The following SULT6B1 variants were observed in gnomAD, a reference collection of about 807,000 sequenced individuals.
The protein encoded by SULT6B1 is sulfotransferase family 6B member 1.
In SULT6B1, 44 loss-of-function variants were observed where a neutral mutation model predicts 37.2. The ratio of observed to expected loss-of-function variants is 1.18; its 90% CI spans 0.93 to 1.52. The LOEUF is 1.52. Among genes scored for constraint, SULT6B1 ranks in the 40% most tolerant of loss-of-function variants. The pLI is 0.00. For synonymous variants in SULT6B1, 140 were observed against 126.0 expected (o/e 1.11, Z -0.74); for missense variants, 450 against 361.0 (o/e 1.25, Z -2.00).
chr2:37,178,323 C>T (rs1676475080), intron 4 of SULT6B1, among the ~76,000 whole-genome samples: 1 of 152,036 alleles, frequency 6.6e-6, no homozygotes, highest in Non-Finnish European at 1.5e-5. Context: ...CTGCAACTTC[C>T]GCCTCCTGTT....
intron 3 of SULT6B1, among the ~76,000 whole-genome samples, chr2:37,181,318 G>C (rs1437250570): frequency 6.6e-6 from 1 of 152,134 alleles, no homozygotes; most frequent in Non-Finnish European, 1.5e-5. Context: ...TTGAATTTGA[G>C]GGCTAATTGG....
Position 37,194,906 on chromosome 2 carries a change from TTCC to T in SULT6B1, c.-22+1607_-22+1609del, listed in dbSNP as rs1558455820. On this transcript the variant is annotated intron_variant, in intron 1 of 7. Transcript: ENST00000407963. ...CTTCCTTCCTTCCTTCTTTCCTTCC[TTCC>T]TTCCTTCCTTCCTTCCTTCCTTCCT... Among the ~76,000 whole-genome samples, 26 of 25,654 alleles carry T rather than the reference TTCC, an allele frequency of 1.0e-3. 2 individuals carry two copies. The highest frequency in any genetic ancestry group is 4.7e-3 in the African/African-American group (26 of 5,494). 16.8% of individuals were successfully genotyped at this position (25,654 alleles called of 152,430 possible).
intron 6 of SULT6B1, among the ~76,000 whole-genome samples, chr2:37,170,618 A>C (rs189910900): frequency 6.6e-6 from 1 of 151,906 alleles, no homozygotes; most frequent in African/African-American, 2.4e-5. Flanking sequence ...AAAATACAAA[A>C]AAATTAGCCA....
rs199584484 is a variant in SULT6B1, at chr2:37,167,915, G to C, written c.*20C>G. 2.0e-6 allele frequency: 3 copies of C among 1,535,318 alleles called. No homozygotes were observed. Among genetic ancestry groups the C allele is most frequent in the South Asian group, 1.3e-5 (1 of 75,798 alleles). On this transcript the variant is annotated 3_prime_UTR_variant, in exon 7 of 7. Transcript: ENST00000535679. The stretch of plus-strand genomic sequence containing the variant: ...TTATTATTAAGGAAAATAAATCTAG[G>C]CCTGCTGAATTGACTGGAATCAACC...
chr2:37,186,748 T>G (rs978935340), intron 2 of SULT6B1, among the ~76,000 whole-genome samples: 2 of 151,846 alleles, frequency 1.3e-5, no homozygotes, highest in Non-Finnish European at 2.9e-5. Flanking sequence ...TAAAAAAAAT[T>G]AACCAGGTGT....
chr2:37,171,578 C>T lies in SULT6B1; in HGVS notation c.637G>A (p.Gly213Arg). 1 of 1,612,644 alleles carries T rather than the reference C, an allele frequency of 6.2e-7. No homozygotes were observed. Among genetic ancestry groups the T allele is most frequent in the Non-Finnish European group, 8.5e-7 (1 of 1,179,596 alleles). Residue 213 changes from glycine (G) to arginine (R), a missense_variant, in exon 6 of 7, where the codon GGA becomes AGA. Gly to Arg is a moderately radical substitution (Grantham distance 125). Transcript: ENST00000535679. The part of the protein sequence containing the change: ...YEDLKENLAA[G>R]IKQIAEFLGF... ...AAGAACTCAGCAATCTGTTTTATTC[C>T]AGCAGCCAGATTCTGTAAAAAAATT...
chr2:37,192,501 AC>A (rs1237789144), upstream of SULT6B1, among the ~76,000 whole-genome samples: 4 of 152,360 alleles, frequency 2.6e-5, no homozygotes, highest in African/African-American at 9.6e-5. Flanking sequence ...ATATTTCTAT[AC>A]ATCACTCCCA....
At chr2:37,175,466 A>G (rs1676405876) in intron 4 of SULT6B1, among the ~76,000 whole-genome samples, 1 of 152,204 alleles carries the variant, frequency 6.6e-6, no homozygotes, top group South Asian at 2.1e-4. Context: ...GCAAGTTACA[A>G]AAATGATTTA....
chr2:37,194,946 T>TTCCG, intron 1 of SULT6B1, among the ~76,000 whole-genome samples: 1 of 74,532 alleles, frequency 1.3e-5, no homozygotes, highest in African/African-American at 6.4e-5. Context: ...CCTTCCTTCC[T>TTCCG]TCCTTCCTTC....
intron 1 of SULT6B1, 125 bp downstream of exon 1, chr2:37,188,317 C>T: frequency 5.4e-6 from 4 of 743,884 alleles, no homozygotes; most frequent in Non-Finnish European, 9.0e-6. Context: ...CTGTGGCCCT[C>T]CTCCTCACTG....
At chr2:37,178,150 T>C (rs1039367497) in intron 4 of SULT6B1, among the ~76,000 whole-genome samples, 5 of 152,136 alleles carry the variant, frequency 3.3e-5, no homozygotes, top group African/African-American at 9.7e-5. Flanking sequence ...ATTCAAACAA[T>C]TCTCCTGCAT....
intron 4 of SULT6B1, among the ~76,000 whole-genome samples, chr2:37,175,877 G>A (rs985965902): frequency 3.9e-5 from 6 of 152,080 alleles, no homozygotes; most frequent in Admixed American, 6.5e-5. Flanking sequence ...TTAATAAAAC[G>A]TACAGTTTAA....
chr2:37,180,607 G>C (rs1676529656), intron 3 of SULT6B1, among the ~76,000 whole-genome samples: 1 of 152,166 alleles, frequency 6.6e-6, no homozygotes, highest in Non-Finnish European at 1.5e-5. Flanking sequence ...CTGGGGGCTG[G>C]GCATGGTGGC....
At chr2:37,175,637 C>A (rs888855347) in intron 4 of SULT6B1, among the ~76,000 whole-genome samples, 1 of 152,044 alleles carries the variant, frequency 6.6e-6, no homozygotes, top group Non-Finnish European at 1.5e-5. Flanking sequence ...TAGCCATATA[C>A]GTAATTTTAA....
upstream of SULT6B1, among the ~76,000 whole-genome samples, chr2:37,190,272 A>T (rs1303045072): frequency 6.6e-6 from 1 of 152,112 alleles, no homozygotes; most frequent in Non-Finnish European, 1.5e-5. Context: ...TCTTCCCCAC[A>T]TCTTTCTTCT....
chr2:37,191,477 T>G (rs72792809), upstream of SULT6B1, among the ~76,000 whole-genome samples: 5,043 of 152,254 alleles, frequency 0.033, 129 homozygotes, highest in Admixed American at 0.05. Context: ...GCTGCTGCTT[T>G]CCATTGTGTG....
At chr2:37,183,940 G>A (rs918332248) in intron 2 of SULT6B1, among the ~76,000 whole-genome samples, 22 of 152,224 alleles carry the variant, frequency 1.4e-4, no homozygotes, top group East Asian at 3.9e-4. Context: ...CACTGCACCC[G>A]GCCAATTTTT....
At position 37,168,050 on chromosome 2, in the gene SULT6B1, C is replaced by A; in HGVS notation, c.797G>T (p.Trp266Leu). The change falls in exon 7 of 7, where the codon TGG (tryptophan) becomes TTG (leucine). Residue 266 changes from tryptophan to leucine, a missense_variant. Transcript: ENST00000535679. Reference protein sequence around the residue: ...FLFRKGEVGDWKNLFSEIQNQ... With the variant: ...FLFRKGEVGDLKNLFSEIQNQ... ...CTGAATTTCACTGAACAAATTTTTC[C>A]AATCACCAACTTCACCTACAACACA... The A allele has an allele frequency of 6.3e-7, 1 of 1,592,540 alleles. No homozygotes were observed. Among genetic ancestry groups the A allele is most frequent in the South Asian group, 1.2e-5 (1 of 86,630 alleles).
At chr2:37,184,766 A>G (rs1227350044) in intron 2 of SULT6B1, among the ~76,000 whole-genome samples, 1 of 151,988 alleles carries the variant, frequency 6.6e-6, no homozygotes, top group Non-Finnish European at 1.5e-5. Context: ...CGGGAGGCGG[A>G]TGTTGCGGTG....
Sources: allele counts gnomAD v4.1 joint callset (sites outside exome capture counted in the v4.1 genomes callset), GRCh38; gene constraint gnomAD v4.1.1; transcripts MANE v1.5; gene names NCBI Gene and HGNC (gene_info 2026-07-23, HGNC 2026-07-21).